Variants in GGPS1 observed in about 807,000 individuals in gnomAD.
The protein encoded by GGPS1 is geranylgeranyl diphosphate synthase 1.
GGPS1 carries 15 observed loss-of-function variants against 28.1 expected under a neutral mutation model. The ratio of observed to expected loss-of-function variants is 0.53; its 90% CI spans 0.36 to 0.82. GGPS1 has a LOEUF of 0.82. Ranked by LOEUF, GGPS1 falls within the 40% of genes least tolerant of loss-of-function variation. The pLI is 0.01. For missense variants in GGPS1, 284 were observed against 348.3 expected (o/e 0.82, Z 1.47); for synonymous variants, 138 against 122.4 (o/e 1.13, Z -0.84).
chr1:235,335,137 G>C (rs1377471832), intron 1 of GGPS1, 105 bp from the exon 2 acceptor site: 2 of 595,920 alleles, frequency 3.4e-6, no homozygotes, highest in East Asian at 6.0e-5. Flanking sequence ...TTTTAAACCA[G>C]ACTAGGTGTC....
chr1:235,337,262 A>G (rs1675897638), intron 2 of GGPS1, among the ~76,000 whole-genome samples: 1 of 151,684 alleles, frequency 6.6e-6, no homozygotes, highest in South Asian at 2.1e-4. Context: ...TGCTACTTAC[A>G]AAGCAAGGAC....
intron 1 of GGPS1, chr1:235,329,457 A>G (rs1675615181): frequency 6.6e-6 from 1 of 152,248 alleles, no homozygotes; most frequent in South Asian, 2.1e-4. Flanking sequence ...GTGATAGGAG[A>G]ATGAGGGAAT....
At chr1:235,328,511 G>C (rs1346570195), upstream of GGPS1, 1 of 152,562 alleles carries the variant, frequency 6.6e-6, no homozygotes, top group Non-Finnish European at 1.5e-5. Flanking sequence ...GCGGGGGCGG[G>C]GGGGAGGTGA....
chr1:235,333,177 T>C (rs1425974786), intron 1 of GGPS1, among the ~76,000 whole-genome samples: 2 of 151,652 alleles, frequency 1.3e-5, no homozygotes, highest in Non-Finnish European at 2.9e-5. Flanking sequence ...AAGCAACCTA[T>C]TTCCAGTTCC....
chr1:235,328,755 A>G lies in GGPS1; in HGVS notation c.-47A>G, dbSNP rs1387121876. The G allele has an allele frequency of 6.6e-6, 1 of 152,374 alleles. No individual in the cohort carries two copies. The allele number at this position is 152,374 out of a possible 1,614,324, so 9.4% of individuals were successfully genotyped here. A position where few individuals can be genotyped will look rare whatever the true frequency, so the allele number is the denominator to read the frequency against. ...AGTTACTCCCGGACCGGCGGCGTGAAAGTCGTGATATCATCGTTGAACTGT... is the reference window on the plus strand; with the variant it reads ...AGTTACTCCCGGACCGGCGGCGTGAGAGTCGTGATATCATCGTTGAACTGT... On this transcript the variant is annotated 5_prime_UTR_variant, in exon 1 of 4. Transcript: ENST00000282841.
chr1:235,340,106 C>T lies in GGPS1; in HGVS notation c.71-1602C>T, dbSNP rs558395763. ...CGAGATCACGCCGCTGCAATCCAGC[C>T]TGGGCAACAGAATGAGACTCCGTCT... On this transcript the variant is annotated intron_variant, in intron 2 of 3. Transcript: ENST00000282841. 2.6e-5 allele frequency among the ~76,000 whole-genome samples: 4 copies of T among 152,228 alleles called. No homozygotes were observed. The East Asian group carries it at 5.8e-4, about 22-fold the overall frequency.
chr1:235,340,007 G>A (rs777881512), intron 2 of GGPS1, among the ~76,000 whole-genome samples: 7 of 149,880 alleles, frequency 4.7e-5, no homozygotes, highest in African/African-American at 7.4e-5. Context: ...TGGCACATGC[G>A]TGTAATCCCA....
At position 235,331,868 on chromosome 1, in the gene GGPS1, C is replaced by T. The variant is rs577150942; in HGVS notation, c.-24+3090C>T. 3.3e-5 allele frequency among the ~76,000 whole-genome samples: 5 copies of T among 152,298 alleles called. No individual in the cohort carries two copies. In the South Asian group the frequency reaches 1.0e-3, roughly 32 times the overall value. The stretch of plus-strand genomic sequence containing the variant: ...TTGCCATATTATACGTCTCATTTCA[C>T]AGCAGAAAAACAACTGCATGACAGA... On this transcript the variant is annotated intron_variant, in intron 1 of 3. Transcript: ENST00000282841.
At position 235,342,495 on chromosome 1, in the gene GGPS1, CAG is replaced by C. The variant is rs774596015; in HGVS notation, c.629_630del (p.Glu210GlyfsTer16). ...AACAAAAGTTTTTGTGAAGATCTGA[CAG>C]AGGGAAAGTTCTCATTTCCTACTAT... On this transcript the variant is annotated frameshift_variant, in exon 4 of 4. Transcript: ENST00000282841. LOFTEE classifies it high-confidence loss of function. 2 of 1,613,624 alleles carry C rather than the reference CAG, an allele frequency of 1.2e-6. No individual in the cohort carries two copies. Among genetic ancestry groups the C allele is most frequent in the Admixed American group, 1.7e-5 (1 of 60,032 alleles).
chr1:235,337,854 A>G (rs1206287961), intron 2 of GGPS1, among the ~76,000 whole-genome samples: 1 of 151,324 alleles, frequency 6.6e-6, no homozygotes, highest in African/African-American at 2.4e-5. Context: ...AGTAAAGAAA[A>G]TTATTTTTAT....
intron 1 of GGPS1, among the ~76,000 whole-genome samples, chr1:235,334,966 A>G (rs1675823256): frequency 6.6e-6 from 1 of 151,646 alleles, no homozygotes; most frequent in Non-Finnish European, 1.5e-5. Flanking sequence ...CTCATGATCT[A>G]CCCACCTCAG....
intron 1 of GGPS1, among the ~76,000 whole-genome samples, chr1:235,331,392 T>G (rs1675712136): frequency 6.6e-6 from 1 of 152,222 alleles, no homozygotes; most frequent in African/African-American, 2.4e-5. Context: ...AATTTTCATT[T>G]GTAATCTGCC....
Position 235,342,136 on chromosome 1 carries a change from C to CA in GGPS1, c.269dup (p.Asn90LysfsTer18). ...GCATCTATGGAATCCCATCTGTCAT[C>CA]AATTCTGCCAATTACGTGTATTTCC... is the stretch of plus-strand genomic sequence containing the variant. On this transcript the variant is annotated frameshift_variant, in exon 4 of 4. Transcript: ENST00000282841. LOFTEE classifies it high-confidence loss of function. The CA allele has an allele frequency of 6.2e-7, 1 of 1,614,098 alleles. No individual in the cohort carries two copies. Among genetic ancestry groups the CA allele is most frequent in the Non-Finnish European group, 8.5e-7 (1 of 1,179,954 alleles).
intron 2 of GGPS1, among the ~76,000 whole-genome samples, chr1:235,336,128 C>G (rs1260442742): frequency 1.3e-5 from 2 of 152,220 alleles, no homozygotes; most frequent in Non-Finnish European, 2.9e-5. Flanking sequence ...CGTGGTGGCT[C>G]ACGCCTGTAA....
upstream of GGPS1, chr1:235,327,536 C>T (rs1180909964): frequency 6.6e-6 from 1 of 152,266 alleles, no homozygotes; most frequent in African/African-American, 2.4e-5. Flanking sequence ...ACGGCCCCCA[C>T]CCTGCCCGGG....
At chr1:235,331,567 AT>A (rs1675717034) in intron 1 of GGPS1, among the ~76,000 whole-genome samples, 1 of 151,462 alleles carries the variant, frequency 6.6e-6, no homozygotes, top group Non-Finnish European at 1.5e-5. Flanking sequence ...GAGAATTTGT[AT>A]GTTGTAAGTC....
chr1:235,339,166 G>A (rs1307139253), intron 2 of GGPS1, among the ~76,000 whole-genome samples: 1 of 151,978 alleles, frequency 6.6e-6, no homozygotes, highest in Admixed American at 6.6e-5. Context: ...GGATTTAGTG[G>A]CGCACGACTG....
chr1:235,340,900 T>TC (rs144739675), intron 2 of GGPS1, among the ~76,000 whole-genome samples: 6,990 of 152,156 alleles, frequency 0.046, 529 homozygotes, highest in African/African-American at 0.15. Context: ...AAGCAGAGCT[T>TC]CCCCATCTCT....
rs1010275842 is a variant in GGPS1 at position 235,344,032 on chromosome 1, C to G, written c.*1260C>G. The G allele has an allele frequency of 6.0e-5, 10 of 165,946 alleles. No homozygotes were observed. In the Admixed American group the frequency reaches 6.6e-4, roughly 11 times the overall value. 10.3% of individuals were successfully genotyped at this position (165,946 alleles called of 1,614,324 possible). On this transcript the variant is annotated 3_prime_UTR_variant, in exon 4 of 4. Coordinates refer to ENST00000282841, the MANE Select transcript of GGPS1 (RefSeq NM_004837.4). ...TGAGAGGGCCTGACTGAAAAGTAAC[C>G]AAAGGCTTAATATCAAACACTAATT...
Sources: gnomAD v4.1 joint callset for allele counts (sites outside exome capture counted in the v4.1 genomes callset) on GRCh38, gnomAD v4.1.1 for gene constraint, MANE v1.5 for transcripts, NCBI Gene and HGNC (gene_info 2026-07-23, HGNC 2026-07-21) for gene names.